Variants in SLIT3 observed in about 807,000 individuals in gnomAD.
SLIT3 encodes the protein slit homolog 3 protein.
SLIT3 carries 68 observed loss-of-function variants against 184.0 expected under a neutral mutation model. The ratio of observed to expected loss-of-function variants is 0.37; its 90% CI spans 0.30 to 0.45. The LOEUF is 0.45. SLIT3 is among the 20% of genes least tolerant of loss of function. The pLI, the probability that SLIT3 is intolerant of heterozygous loss-of-function variation, is 1.00. For synonymous variants in SLIT3, 831 were observed against 828.6 expected (o/e 1.00, Z -0.05); for missense variants, 1,707 against 2,026.0 (o/e 0.84, Z 3.02).
At chr5:169,288,640 T>C (rs1187114153) in intron 1 of SLIT3, among the ~76,000 whole-genome samples, 3 of 152,214 alleles carry the variant, frequency 2.0e-5, no homozygotes, top group Non-Finnish European at 4.4e-5. Flanking sequence ...ACTTGCTTTA[T>C]TCATTGTGGT....
chr5:168,993,731 G>A (rs1427023072), intron 4 of SLIT3, among the ~76,000 whole-genome samples: 1 of 151,124 alleles, frequency 6.6e-6, no homozygotes, highest in Non-Finnish European at 1.5e-5. Flanking sequence ...AAGACACAAA[G>A]TGAAGACGGG....
chr5:168,981,728 C>G (rs1347788655), intron 4 of SLIT3, among the ~76,000 whole-genome samples: 1 of 152,236 alleles, frequency 6.6e-6, no homozygotes, highest in Non-Finnish European at 1.5e-5. Context: ...AATACAGCAT[C>G]TGCTCTCATA....
At chr5:169,110,175 C>T (rs1367435287) in intron 4 of SLIT3, among the ~76,000 whole-genome samples, 1 of 152,184 alleles carries the variant, frequency 6.6e-6, no homozygotes, top group Non-Finnish European at 1.5e-5. Context: ...GGTGCACAGA[C>T]ACACTCATGC....
At chr5:169,271,612 C>T (rs112125431) in intron 1 of SLIT3, among the ~76,000 whole-genome samples, 2,134 of 152,248 alleles carry the variant, frequency 0.014, 53 homozygotes, top group African/African-American at 0.049. Context: ...AACACAAGCA[C>T]GTGGATGGAC....
At chr5:168,997,061 G>A (rs903244674) in intron 4 of SLIT3, among the ~76,000 whole-genome samples, 6 of 152,146 alleles carry the variant, frequency 3.9e-5, no homozygotes, top group Admixed American at 1.3e-4. Flanking sequence ...GGGATCAACC[G>A]CCTCATTGAT....
At chr5:168,771,928 C>T (rs751110355) in intron 14 of SLIT3, among the ~76,000 whole-genome samples, 10 of 152,290 alleles carry the variant, frequency 6.6e-5, no homozygotes, top group African/African-American at 9.6e-5. Flanking sequence ...GGCTGCAACC[C>T]GCCTGGGCAC....
At chr5:168,963,355 A>G (rs561536190) in intron 4 of SLIT3, among the ~76,000 whole-genome samples, 1 of 152,264 alleles carries the variant, frequency 6.6e-6, no homozygotes, top group African/African-American at 2.4e-5. Context: ...TATTTTTAGT[A>G]GAGACAAGGT....
intron 4 of SLIT3, among the ~76,000 whole-genome samples, chr5:168,945,818 T>C (rs1470867120): frequency 6.6e-6 from 1 of 152,172 alleles, no homozygotes; most frequent in Non-Finnish European, 1.5e-5. Context: ...CCCAAAACCA[T>C]GTACAAAGAA....
At chr5:169,152,835 C>T (rs368616017) in intron 4 of SLIT3, among the ~76,000 whole-genome samples, 260 of 152,268 alleles carry the variant, frequency 1.7e-3, no homozygotes, top group South Asian at 2.9e-3. Flanking sequence ...ATGACACCTA[C>T]CCCGGTATGT....
rs1443899406 is a variant in SLIT3, at chr5:168,774,224, A to T, written c.1295+11T>A. 5.7e-6 allele frequency: 9 copies of T among 1,589,506 alleles called. No homozygotes were observed. Among genetic ancestry groups the T allele is most frequent in the Non-Finnish European group, 6.8e-6 (8 of 1,168,632 alleles). ...TTGGGCACCCACTGGCACCCGAGGC[A>T]GTGTACTCACAGTGTCTGGATGGAC... is the stretch of plus-strand genomic sequence containing the variant. On this transcript the variant is annotated intron_variant, in intron 13 of 35. Coordinates refer to ENST00000519560, the MANE Select transcript of SLIT3 (RefSeq NM_003062.4).
intron 20 of SLIT3, among the ~76,000 whole-genome samples, chr5:168,743,031 C>T (rs1364406026): frequency 1.3e-5 from 2 of 152,132 alleles, no homozygotes; most frequent in Non-Finnish European, 2.9e-5. Context: ...ACCGGAGAGG[C>T]TAAGCCAGGA....
chr5:169,282,968 AT>A (rs1275117514), intron 1 of SLIT3, among the ~76,000 whole-genome samples: 1 of 152,166 alleles, frequency 6.6e-6, no homozygotes, highest in African/African-American at 2.4e-5. Context: ...GGCATCAGTA[AT>A]TTTTTAAGTC....
At chr5:168,907,913 T>G (rs1170854726) in intron 4 of SLIT3, among the ~76,000 whole-genome samples, 1 of 121,440 alleles carries the variant, frequency 8.2e-6, no homozygotes, top group Non-Finnish European at 1.8e-5. Context: ...TATAGATCTA[T>G]CTATATCTAT....
At chr5:169,062,892 G>T (rs566596625) in intron 4 of SLIT3, among the ~76,000 whole-genome samples, 1 of 152,360 alleles carries the variant, frequency 6.6e-6, no homozygotes, top group South Asian at 2.1e-4. Context: ...AAGAATGACA[G>T]GAATGTCCAG....
intron 4 of SLIT3, among the ~76,000 whole-genome samples, chr5:168,988,088 G>A (rs1279512334): frequency 2.0e-5 from 3 of 152,180 alleles, no homozygotes; most frequent in Admixed American, 6.5e-5. Flanking sequence ...GCTGGGCTTC[G>A]CCATCCTGCA....
At chr5:168,800,137 T>C (rs1374357205) in intron 9 of SLIT3, among the ~76,000 whole-genome samples, 1 of 152,232 alleles carries the variant, frequency 6.6e-6, no homozygotes, top group Non-Finnish European at 1.5e-5. Context: ...CCAGACAACT[T>C]AGACCCCAAA....
chr5:168,798,521 G>A (rs916801717), intron 9 of SLIT3, among the ~76,000 whole-genome samples: 13 of 152,046 alleles, frequency 8.6e-5, no homozygotes, highest in Non-Finnish European at 1.8e-4. Flanking sequence ...GAGCCACCAC[G>A]CCTGGCCTGG....
intron 28 of SLIT3, among the ~76,000 whole-genome samples, chr5:168,694,609 TTATC>T (rs1033720371): frequency 6.6e-6 from 1 of 151,916 alleles, no homozygotes; most frequent in East Asian, 1.9e-4. Context: ...CTCTCTTTCT[TTATC>T]TCTCTCTCTT....
rs183755135 is a variant in SLIT3 at position 168,973,048 on chromosome 5, C to G, written c.414-89712G>C. Among the ~76,000 whole-genome samples, 76 of 152,254 alleles carry G rather than the reference C, an allele frequency of 5.0e-4. No homozygotes were observed. The Middle Eastern group carries it at 0.014, about 27-fold the overall frequency. The stretch of plus-strand genomic sequence containing the variant: ...AGATGACCTCTGAAATTCTTTCCAA[C>G]TTCAGTATGTTAAGCTCCAGCTTGT... On this transcript the variant is annotated intron_variant, in intron 4 of 35. Transcript: ENST00000519560.
Sources: gnomAD v4.1 joint callset for allele counts (sites outside exome capture counted in the v4.1 genomes callset) on GRCh38, gnomAD v4.1.1 for gene constraint, MANE v1.5 for transcripts, NCBI Gene and HGNC (gene_info 2026-07-23, HGNC 2026-07-21) for gene names.